The following MAGI2 variants were observed in gnomAD, a reference collection of about 807,000 sequenced individuals.
MAGI2 encodes membrane associated guanylate kinase, WW and PDZ domain containing 2.
MAGI2 carries 35 observed loss-of-function variants against 133.3 expected under a neutral mutation model. That is an observed-to-expected ratio of 0.26 (90% CI 0.20 to 0.35). The LOEUF is 0.35. Among genes scored for constraint, MAGI2 ranks in the 10% least tolerant of loss-of-function variants. MAGI2 has a pLI of 1.00. For missense variants in MAGI2, 1,636 were observed against 1,863.4 expected (o/e 0.88, Z 2.25); for synonymous variants, 729 against 710.6 (o/e 1.03, Z -0.41).
At chr7:79,089,449 A>G (rs1218967203) in intron 1 of MAGI2, among the ~76,000 whole-genome samples, 1 of 152,166 alleles carries the variant, frequency 6.6e-6, no homozygotes, top group African/African-American at 2.4e-5. Flanking sequence ...CAATCCCATT[A>G]CTGGGTATAT....
At chr7:78,974,360 T>C (rs1233941592) in intron 2 of MAGI2, among the ~76,000 whole-genome samples, 1 of 151,846 alleles carries the variant, frequency 6.6e-6, no homozygotes, top group Non-Finnish European at 1.5e-5. Context: ...TCTGACTTCT[T>C]GGACCTTAGA....
intron 2 of MAGI2, among the ~76,000 whole-genome samples, chr7:78,850,042 T>C (rs953018380): frequency 6.6e-6 from 1 of 152,094 alleles, no homozygotes; most frequent in Non-Finnish European, 1.5e-5. Context: ...ACTTTCCTTG[T>C]TTTCCCAACT....
chr7:78,573,076 T>TATACACAC (rs1230373322), intron 3 of MAGI2, among the ~76,000 whole-genome samples: 1 of 52,582 alleles, frequency 1.9e-5, no homozygotes, highest in African/African-American at 9.3e-5. Context: ...TATATATATA[T>TATACACAC]ACACACACAC....
At chr7:78,654,522 G>T (rs1164783877) in intron 2 of MAGI2, among the ~76,000 whole-genome samples, 1 of 151,400 alleles carries the variant, frequency 6.6e-6, no homozygotes, top group East Asian at 1.9e-4. Context: ...AGGTCATATA[G>T]CCAGAAATTC....
chr7:79,207,516 G>T (rs539499392), intron 1 of MAGI2, among the ~76,000 whole-genome samples: 2 of 138,120 alleles, frequency 1.4e-5, no homozygotes, highest in Non-Finnish European at 3.0e-5. Flanking sequence ...GGAGATGAAA[G>T]ATCTCAAATC....
chr7:78,512,620 G>A (rs1795699723), intron 4 of MAGI2, among the ~76,000 whole-genome samples: 1 of 152,090 alleles, frequency 6.6e-6, no homozygotes. Flanking sequence ...TGGCCAGGCT[G>A]GTCTTGAATT....
chr7:79,426,634 T>A (rs1273170972), intron 1 of MAGI2, among the ~76,000 whole-genome samples: 2 of 152,200 alleles, frequency 1.3e-5, no homozygotes, highest in Non-Finnish European at 2.9e-5. Context: ...ACATTGGGCA[T>A]TTATATCCTA....
At chr7:79,111,960 C>A (rs1204125514) in intron 1 of MAGI2, among the ~76,000 whole-genome samples, 1 of 152,046 alleles carries the variant, frequency 6.6e-6, no homozygotes, top group African/African-American at 2.4e-5. Flanking sequence ...AGCCACTGCG[C>A]CCAGCCCATA....
chr7:78,751,463 C>T (rs956034745), intron 2 of MAGI2, among the ~76,000 whole-genome samples: 2 of 152,164 alleles, frequency 1.3e-5, no homozygotes, highest in Non-Finnish European at 2.9e-5. Flanking sequence ...CACGAATGAC[C>T]TAATTGGCCC....
At chr7:79,329,872 G>A (rs536605140) in intron 1 of MAGI2, among the ~76,000 whole-genome samples, 2 of 152,206 alleles carry the variant, frequency 1.3e-5, no homozygotes, top group South Asian at 4.1e-4. Flanking sequence ...CAAGATAGAA[G>A]GTCATCTTTC....
chr7:79,125,913 T>C (rs1172328819), intron 1 of MAGI2, among the ~76,000 whole-genome samples: 1 of 152,148 alleles, frequency 6.6e-6, no homozygotes, highest in Non-Finnish European at 1.5e-5. Flanking sequence ...CAACCAAGCA[T>C]AGTGGTGGCA....
intron 2 of MAGI2, among the ~76,000 whole-genome samples, chr7:78,900,795 T>C (rs1471428243): frequency 2.6e-5 from 4 of 152,186 alleles, no homozygotes; most frequent in Non-Finnish European, 5.9e-5. Flanking sequence ...CTTAGTTCTT[T>C]TGCTTGCAGC....
intron 1 of MAGI2, among the ~76,000 whole-genome samples, chr7:79,099,498 CA>C (rs1817784864): frequency 6.6e-6 from 1 of 151,902 alleles, no homozygotes; most frequent in Admixed American, 6.6e-5. Flanking sequence ...ATTTTAGCTT[CA>C]GGGGTACACA....
chr7:78,345,952 T>C lies in MAGI2; in HGVS notation c.1195A>G (p.Thr399Ala), dbSNP rs140061286. 8.1e-6 allele frequency: 13 copies of C among 1,614,106 alleles called. No individual in the cohort carries two copies. Among genetic ancestry groups the C allele is most frequent in the Non-Finnish European group, 1.0e-5 (12 of 1,180,038 alleles). The part of the protein sequence containing the change: ...QHNMPHTELG[T>A]KPLQAPGFRE... ...AAACCTGGGGCCTGCAGGGGCTTTG[T>C]TCCAAGTTCTGTGTGGGGCATGTTA... is the stretch of plus-strand genomic sequence containing the variant. Residue 399 changes from threonine to alanine, a missense_variant, in exon 8 of 22, where the codon ACA becomes GCA. Thr to Ala is a moderately conservative substitution (Grantham distance 58). Around this residue, in one of 5 missense-constraint regions of MAGI2, gnomAD observed 920 missense variants for 1,093.5 expected, o/e 0.84. Coordinates refer to ENST00000354212, the MANE Select transcript of MAGI2 (RefSeq NM_012301.4).
At chr7:78,371,430 CA>C (rs1046635684) in intron 6 of MAGI2, among the ~76,000 whole-genome samples, 1 of 151,692 alleles carries the variant, frequency 6.6e-6, no homozygotes, top group Non-Finnish European at 1.5e-5. Flanking sequence ...CAATCATGTT[CA>C]ATAAACATAA....
chr7:78,959,684 G>A (rs1468154759), intron 2 of MAGI2, among the ~76,000 whole-genome samples: 2 of 152,154 alleles, frequency 1.3e-5, no homozygotes, highest in Admixed American at 1.3e-4. Context: ...GTGTCACCGT[G>A]TGGTTGATTA....
chr7:79,376,204 C>A (rs1015671481), intron 1 of MAGI2, among the ~76,000 whole-genome samples: 22 of 151,698 alleles, frequency 1.5e-4, no homozygotes, highest in African/African-American at 5.3e-4. Context: ...CTATATATAC[C>A]ATGTTTTTTC....
chr7:79,028,826 A>G (rs1006243943), intron 1 of MAGI2, among the ~76,000 whole-genome samples: 1 of 152,090 alleles, frequency 6.6e-6, no homozygotes, highest in African/African-American at 2.4e-5. Context: ...TTTATTTTGG[A>G]CTGATAAGCT....
chr7:78,255,558 C>A, intron 10 of MAGI2: 1 of 398,098 alleles, frequency 2.5e-6, no homozygotes, highest in Non-Finnish European at 4.5e-6. Flanking sequence ...CGATTAAAAG[C>A]GTTGCTTCCA....
Sources: allele counts gnomAD v4.1 joint callset (sites outside exome capture counted in the v4.1 genomes callset), GRCh38; gene constraint gnomAD v4.1.1; regional missense constraint gnomAD v4.1.1; transcripts MANE v1.5; gene names NCBI Gene and HGNC (gene_info 2026-07-23, HGNC 2026-07-21).